MTMR3: variants seen among roughly 807,000 people sequenced by gnomAD.
MTMR3 encodes the protein phosphatidylinositol-3,5-bisphosphate 3-phosphatase MTMR3.
MTMR3 carries 32 observed loss-of-function variants against 132.4 expected under a neutral mutation model. The observed-to-expected ratio is 0.24, with a 90% CI of 0.18 to 0.32. MTMR3 has a LOEUF of 0.32. Among genes scored for constraint, MTMR3 ranks in the 10% least tolerant of loss-of-function variants. The pLI, the probability that MTMR3 is intolerant of heterozygous loss-of-function variation, is 1.00. For synonymous variants in MTMR3, 556 were observed against 550.3 expected (o/e 1.01, Z -0.14); for missense variants, 1,216 against 1,489.6 (o/e 0.82, Z 3.02).
At chr22:29,966,526 C>T (rs2066418484) in intron 2 of MTMR3, among the ~76,000 whole-genome samples, 1 of 152,058 alleles carries the variant, frequency 6.6e-6, no homozygotes, top group African/African-American at 2.4e-5. Context: ...ATTTCATTAG[C>T]AGTTGTAAAA....
chr22:29,905,883 A>G (rs2065084030), intron 1 of MTMR3, among the ~76,000 whole-genome samples: 1 of 152,158 alleles, frequency 6.6e-6, no homozygotes, highest in African/African-American at 2.4e-5. Flanking sequence ...AGTTTCCTAA[A>G]CCTGTTAACC....
intron 1 of MTMR3, among the ~76,000 whole-genome samples, chr22:29,924,298 A>G (rs372271231): frequency 4.6e-5 from 7 of 152,216 alleles, no homozygotes; most frequent in African/African-American, 1.7e-4. Flanking sequence ...AGTTTTCTCA[A>G]TACCACTCAT....
intron 1 of MTMR3, among the ~76,000 whole-genome samples, chr22:29,942,487 G>A (rs1044216626): frequency 3.3e-5 from 5 of 152,196 alleles, no homozygotes; most frequent in Non-Finnish European, 5.9e-5. Context: ...GGGTTTGAGA[G>A]CAGACAACTG....
chr22:30,008,046 T>C lies in MTMR3; in HGVS notation c.1009+14T>C, dbSNP rs760859778. On this transcript the variant is annotated intron_variant, in intron 11 of 19. Transcript: ENST00000401950. ...GCGAATGCCCAGGTGAGGTGTATGG[T>C]GCTTTGTTCCCCATACTTTCTCCTT... 2 of 1,610,508 alleles carry C rather than the reference T, an allele frequency of 1.2e-6. No homozygotes were observed. The highest frequency in any genetic ancestry group is 1.7e-6 in the Non-Finnish European group (2 of 1,178,510).
At position 29,948,018 on chromosome 22, in the gene MTMR3, G is replaced by A. The variant is rs141881480; in HGVS notation, c.-137-9018G>A. 4.5e-3 allele frequency among the ~76,000 whole-genome samples: 683 copies of A among 152,210 alleles called. 6 individuals carry two copies. The highest frequency in any genetic ancestry group is 0.015 in the African/African-American group (642 of 41,538). ...GGAGGTTGTTGGTGTTTTCATTGGC[G>A]TGTTTTCAAAAATATGAGTAGCCCC... On this transcript the variant is annotated intron_variant, in intron 1 of 19. Transcript: ENST00000401950.
intron 1 of MTMR3, among the ~76,000 whole-genome samples, chr22:29,944,494 AAGAC>A (rs2065918124): frequency 1.3e-5 from 2 of 152,138 alleles, no homozygotes; most frequent in South Asian, 4.1e-4. Flanking sequence ...CCCCCACAAG[AAGAC>A]AGGAAGTAGA....
chr22:29,969,224 G>T (rs2066485292), intron 2 of MTMR3, among the ~76,000 whole-genome samples: 1 of 152,184 alleles, frequency 6.6e-6, no homozygotes, highest in Non-Finnish European at 1.5e-5. Context: ...GGCACGAGAA[G>T]AATAGATTTT....
chr22:29,957,276 A>C, intron 2 of MTMR3, among the ~76,000 whole-genome samples, 188 bp downstream of exon 2: 2 of 120,182 alleles, frequency 1.7e-5, no homozygotes, highest in Non-Finnish European at 1.8e-5. Context: ...TTTTTTTTTC[A>C]CTAGGACTCA....
At chr22:29,902,290 A>G (rs1201449552) in intron 1 of MTMR3, among the ~76,000 whole-genome samples, 1 of 152,190 alleles carries the variant, frequency 6.6e-6, no homozygotes, top group East Asian at 1.9e-4. Flanking sequence ...AAATTTATAT[A>G]TAAAACTCCT....
chr22:29,944,294 A>T (rs1278814435), intron 1 of MTMR3, among the ~76,000 whole-genome samples: 4 of 151,856 alleles, frequency 2.6e-5, no homozygotes, highest in African/African-American at 9.7e-5. Flanking sequence ...CACCAATCTA[A>T]TACTTATCTC....
chr22:29,883,700 G>A (rs1252151651), intron 1 of MTMR3, among the ~76,000 whole-genome samples: 2 of 152,174 alleles, frequency 1.3e-5, no homozygotes, highest in Non-Finnish European at 2.9e-5. Context: ...CCCTCGGAGC[G>A]CCCGGAGTTA....
intron 1 of MTMR3, among the ~76,000 whole-genome samples, chr22:29,913,361 C>T (rs1415583776): frequency 2.0e-5 from 3 of 152,320 alleles, no homozygotes; most frequent in East Asian, 3.9e-4. Flanking sequence ...AAACATGTTT[C>T]CACTGGTTAC....
chr22:29,889,581 C>T (rs2064751891), intron 1 of MTMR3, among the ~76,000 whole-genome samples: 1 of 151,870 alleles, frequency 6.6e-6, no homozygotes, highest in Non-Finnish European at 1.5e-5. Flanking sequence ...GCCACTGCAC[C>T]TGGCCCAGAA....
At chr22:29,932,390 T>A (rs1408836966) in intron 1 of MTMR3, among the ~76,000 whole-genome samples, 8 of 152,358 alleles carry the variant, frequency 5.3e-5, no homozygotes, top group Admixed American at 1.3e-4. Flanking sequence ...GTTTTTGGTT[T>A]CATAGTTAAA....
At chr22:30,014,809 C>G (rs1209466467) in intron 14 of MTMR3, 1 of 152,170 alleles carries the variant, frequency 6.6e-6, no homozygotes. Context: ...ACCTAGCCTC[C>G]TCTCCCCAGT....
Position 29,978,432 on chromosome 22 carries a change from A to G in MTMR3, c.4-10A>G, listed in dbSNP as rs1170037721. On this transcript the variant is annotated splice_polypyrimidine_tract_variant and intron_variant, in intron 3 of 19. Coordinates refer to ENST00000401950, the MANE Select transcript of MTMR3 (RefSeq NM_021090.4). ...CTTTGAAATTATTTTAAGGTTTTGG[A>G]CTTTTCCAGGATGAAGAGACTCGGC... 2 of 1,603,804 alleles carry G rather than the reference A, an allele frequency of 1.2e-6. No individual in the cohort carries two copies. Among genetic ancestry groups the G allele is most frequent in the Non-Finnish European group, 1.7e-6 (2 of 1,173,314 alleles).
intron 1 of MTMR3, among the ~76,000 whole-genome samples, chr22:29,915,239 T>C (rs2065286004): frequency 6.6e-6 from 1 of 152,212 alleles, no homozygotes. Context: ...TTTGATAATA[T>C]TTGCCATCCC....
intron 3 of MTMR3, among the ~76,000 whole-genome samples, chr22:29,977,217 C>T (rs764082341): frequency 3.3e-5 from 5 of 151,794 alleles, no homozygotes; most frequent in African/African-American, 4.8e-5. Context: ...ACTTGAGCCC[C>T]GGAGTTGGAG....
chr22:29,912,228 T>C (rs2065227637), intron 1 of MTMR3, among the ~76,000 whole-genome samples: 2 of 152,326 alleles, frequency 1.3e-5, no homozygotes, highest in South Asian at 4.1e-4. Context: ...AAAGTTGATG[T>C]GGCTAATTAG....
Sources: allele counts gnomAD v4.1 joint callset (sites outside exome capture counted in the v4.1 genomes callset), GRCh38; gene constraint gnomAD v4.1.1; transcripts MANE v1.5; gene names NCBI Gene and HGNC (gene_info 2026-07-23, HGNC 2026-07-21).